The following PALM2AKAP2 variants were observed in gnomAD, a reference collection of about 807,000 sequenced individuals.
PALM2AKAP2 encodes PALM2 and AKAP2 fusion, also known as PALM2-AKAP2 fusion protein.
A neutral mutation model predicts 71.5 loss-of-function variants in PALM2AKAP2; 37 were observed. That is an observed-to-expected ratio of 0.52 (90% CI 0.40 to 0.68). PALM2AKAP2 has a LOEUF of 0.68. Ranked by LOEUF, PALM2AKAP2 falls within the 30% of genes least tolerant of loss-of-function variation. The pLI, the probability that PALM2AKAP2 is intolerant of heterozygous loss-of-function variation, is 0.00. For missense variants in PALM2AKAP2, 1,224 were observed against 1,191.8 expected, an observed-to-expected ratio of 1.03 and a Z score of -0.40; for synonymous variants, 468 against 478.8, an observed-to-expected ratio of 0.98 and a Z score of 0.29.
At chr9:110,124,184 A>G (rs765448550) in intron 1 of PALM2AKAP2, among the ~76,000 whole-genome samples, 2 of 152,154 alleles carry the variant, frequency 1.3e-5, no homozygotes, top group Non-Finnish European at 2.9e-5. Context: ...ATCTACTCTG[A>G]TTATCCCTTC....
intron 1 of PALM2AKAP2, among the ~76,000 whole-genome samples, chr9:110,132,050 T>C (rs1186217551): frequency 6.6e-6 from 1 of 151,600 alleles, no homozygotes; most frequent in African/African-American, 2.4e-5. Context: ...TGTGTGTGTG[T>C]GTGTGTGTGT....
At chr9:109,824,872 T>A (rs905193971) in intron 1 of PALM2AKAP2, among the ~76,000 whole-genome samples, 1 of 152,260 alleles carries the variant, frequency 6.6e-6, no homozygotes, top group African/African-American at 2.4e-5. Context: ...TCTTTTCTTA[T>A]GATTGCTGTT....
intron 1 of PALM2AKAP2, among the ~76,000 whole-genome samples, chr9:109,690,356 G>T (rs931682222): frequency 1.5e-4 from 23 of 152,156 alleles, no homozygotes; most frequent in Non-Finnish European, 3.1e-4. Flanking sequence ...TGGCTAAAAA[G>T]GGAGGTTGAG....
intron 1 of PALM2AKAP2, among the ~76,000 whole-genome samples, chr9:109,846,161 G>A (rs938127461): frequency 6.6e-6 from 1 of 151,414 alleles, no homozygotes; most frequent in African/African-American, 2.4e-5. Context: ...AGGACAGCAG[G>A]TCTTCTCTGT....
At chr9:110,011,014 A>AAAAAAATATATATATAT (rs35212981) in intron 6 of PALM2AKAP2, among the ~76,000 whole-genome samples, 1 of 69,588 alleles carries the variant, frequency 1.4e-5, no homozygotes, top group African/African-American at 7.8e-5. Context: ...AAAAAAAAAA[A>AAAAAAATATATATATAT]ATATATATAT....
intron 3 of PALM2AKAP2, among the ~76,000 whole-genome samples, chr9:109,905,375 C>G (rs181591311): frequency 6.7e-6 from 1 of 149,536 alleles, no homozygotes; most frequent in Non-Finnish European, 1.5e-5. Flanking sequence ...GATACTTCTG[C>G]CTCAACACCA....
intron 1 of PALM2AKAP2, among the ~76,000 whole-genome samples, chr9:109,677,407 C>T (rs1179653019): frequency 6.6e-6 from 1 of 152,112 alleles, no homozygotes; most frequent in Non-Finnish European, 1.5e-5. Flanking sequence ...GTGGCTCATG[C>T]CTGTAATCCC....
At chr9:110,131,576 G>T (rs544854006) in intron 1 of PALM2AKAP2, among the ~76,000 whole-genome samples, 2 of 152,266 alleles carry the variant, frequency 1.3e-5, no homozygotes, top group African/African-American at 4.8e-5. Context: ...TGCCTAATCC[G>T]GATAGGTTAG....
In PALM2AKAP2 at chr9:110,138,547, A is replaced by G; in HGVS notation, c.2569+8A>G. 1 of 1,581,354 alleles carries G rather than the reference A, an allele frequency of 6.3e-7. No homozygotes were observed. Among genetic ancestry groups the G allele is most frequent in the Non-Finnish European group, 8.6e-7 (1 of 1,165,170 alleles). ...GCTACAAAACTGCTCCAGGTAAGTG[A>G]GGTGCCTCACATGAGAGACAGATGC... On this transcript the variant is annotated splice_region_variant and intron_variant, in intron 2 of 3. Coordinates refer to ENST00000374525, the Ensembl canonical transcript of PALM2AKAP2.
intron 7 of PALM2AKAP2, chr9:110,024,966 G>A (rs1177512743): frequency 5.3e-6 from 7 of 1,327,108 alleles, no homozygotes; most frequent in Non-Finnish European, 7.6e-6. Flanking sequence ...TCTGGGTGGA[G>A]CAGGCTGGCA....
At chr9:109,827,548 G>A (rs1178501660) in intron 1 of PALM2AKAP2, among the ~76,000 whole-genome samples, 1 of 152,140 alleles carries the variant, frequency 6.6e-6, no homozygotes, top group Non-Finnish European at 1.5e-5. Context: ...GGCAGAGGTT[G>A]CAGTGAGCCG....
chr9:109,822,659 G>C (rs1357252374), intron 1 of PALM2AKAP2, among the ~76,000 whole-genome samples: 1 of 152,078 alleles, frequency 6.6e-6, no homozygotes, highest in East Asian at 1.9e-4. Context: ...AGTTCACTTA[G>C]GACAACAGCC....
At chr9:110,168,482 A>C in exon 4 of PALM2AKAP2, 1 of 1,614,150 alleles carries the variant, frequency 6.2e-7, no homozygotes, top group Non-Finnish European at 8.5e-7. Flanking sequence ...ACCAGGAGGA[A>C]GAAGACAACG....
At chr9:109,730,424 G>A (rs561132830) in intron 1 of PALM2AKAP2, among the ~76,000 whole-genome samples, 1 of 152,300 alleles carries the variant, frequency 6.6e-6, no homozygotes, top group Non-Finnish European at 1.5e-5. Context: ...GGTCCTCCGT[G>A]CTGGTTTTAT....
chr9:109,828,332 C>T (rs1219047967), intron 1 of PALM2AKAP2, among the ~76,000 whole-genome samples: 1 of 152,104 alleles, frequency 6.6e-6, no homozygotes, highest in Non-Finnish European at 1.5e-5. Flanking sequence ...GTGACTTGAC[C>T]AAAATGCATT....
At chr9:109,947,405 CA>C (rs1831534511) in intron 6 of PALM2AKAP2, among the ~76,000 whole-genome samples, 1 of 152,174 alleles carries the variant, frequency 6.6e-6, no homozygotes. Flanking sequence ...AGTGTAAAAA[CA>C]GACTATTTCT....
Position 109,818,184 on chromosome 9 carries a change from C to T in PALM2AKAP2, c.45+37651C>T, listed in dbSNP as rs143357248. Among the ~76,000 whole-genome samples the T allele has an allele frequency of 2.2e-3, 337 of 152,218 alleles. 4 individuals are homozygous for T. In the East Asian group the frequency reaches 0.033, roughly 15 times the overall value. ...TTATTATATCTGGGTAGCAGCGAAA[C>T]AGAAAAGGTATAAATAAGCCTTTCG... is the stretch of plus-strand genomic sequence containing the variant. On this transcript the variant is annotated intron_variant, in intron 1 of 9. Transcript: ENST00000302798.
At chr9:109,835,041 G>A (rs1828419863) in intron 1 of PALM2AKAP2, among the ~76,000 whole-genome samples, 1 of 152,044 alleles carries the variant, frequency 6.6e-6, no homozygotes. Flanking sequence ...AGCTGTCACA[G>A]TGCCATTGAG....
At chr9:110,114,297 T>C (rs1835314434) in intron 1 of PALM2AKAP2, among the ~76,000 whole-genome samples, 1 of 152,200 alleles carries the variant, frequency 6.6e-6, no homozygotes, top group Non-Finnish European at 1.5e-5. Context: ...TGGAGTTTCC[T>C]CTGTGTGTAT....
Sources: allele counts gnomAD v4.1 joint callset (sites outside exome capture counted in the v4.1 genomes callset), GRCh38; gene constraint gnomAD v4.1.1; transcripts MANE v1.5; gene names NCBI Gene and HGNC (gene_info 2026-07-23, HGNC 2026-07-21).